BARD1: variants seen among roughly 807,000 people sequenced by gnomAD.
BARD1 encodes BRCA1-associated RING domain protein 1.
A neutral mutation model predicts 77.0 loss-of-function variants in BARD1; 73 were observed. The ratio of observed to expected loss-of-function variants is 0.95; its 90% CI spans 0.79 to 1.15. BARD1 has a LOEUF of 1.15. Among genes scored for constraint, BARD1 ranks in the 50% most tolerant of loss-of-function variants. BARD1 has a pLI of 0.00. For missense variants in BARD1, 993 were observed against 938.8 expected (o/e 1.06, Z -0.75); for synonymous variants, 384 against 338.0 (o/e 1.14, Z -1.49).
At chr2:214,762,761 C>T (rs1694019956) in intron 6 of BARD1, among the ~76,000 whole-genome samples, 1 of 152,160 alleles carries the variant, frequency 6.6e-6, no homozygotes, top group Non-Finnish European at 1.5e-5. Flanking sequence ...ATCGGTACTC[C>T]ACTAGAATCT....
intron 4 of BARD1, 86 bp downstream of exon 4, chr2:214,780,474 A>T (rs1394458047): frequency 8.8e-7 from 1 of 1,133,334 alleles, no homozygotes; most frequent in Non-Finnish European, 1.3e-6. Flanking sequence ...TATCCTAGTA[A>T]TCCTATGCCA....
At chr2:214,731,830 A>T (rs1005514377) in intron 9 of BARD1, among the ~76,000 whole-genome samples, 5 of 152,214 alleles carry the variant, frequency 3.3e-5, no homozygotes, top group Non-Finnish European at 7.3e-5. Flanking sequence ...GGAAAGTTGG[A>T]ACAATAACTC....
At chr2:214,748,273 A>T (rs1387219649) in intron 7 of BARD1, among the ~76,000 whole-genome samples, 1 of 152,118 alleles carries the variant, frequency 6.6e-6, no homozygotes, top group African/African-American at 2.4e-5. Context: ...ACAGCTGCCA[A>T]AGCCACATGT....
chr2:214,782,711 T>C (rs1695097507), intron 3 of BARD1, among the ~76,000 whole-genome samples: 1 of 152,076 alleles, frequency 6.6e-6, no homozygotes, highest in Non-Finnish European at 1.5e-5. Context: ...CAAGGAGAAG[T>C]TGATTTTTGA....
chr2:214,775,510 C>T (rs188959831), intron 4 of BARD1, among the ~76,000 whole-genome samples: 28 of 152,186 alleles, frequency 1.8e-4, no homozygotes, highest in African/African-American at 6.7e-4. Flanking sequence ...CACAAATCAC[C>T]GTAACAGATA....
intron 4 of BARD1, among the ~76,000 whole-genome samples, chr2:214,778,162 C>T (rs1694816192): frequency 6.6e-6 from 1 of 151,844 alleles, no homozygotes; most frequent in Admixed American, 6.6e-5. Context: ...TGCCACTGCA[C>T]TCCAGCCTGG....
chr2:214,763,843 A>G (rs1244914254), intron 6 of BARD1, among the ~76,000 whole-genome samples: 6 of 152,086 alleles, frequency 3.9e-5, no homozygotes, highest in African/African-American at 1.4e-4. Flanking sequence ...CATGCTCCAG[A>G]CCCCCTTCCC....
chr2:214,740,547 A>G (rs1692775669), intron 9 of BARD1, among the ~76,000 whole-genome samples: 2 of 152,036 alleles, frequency 1.3e-5, no homozygotes, highest in Admixed American at 1.3e-4. Context: ...ACATTTATAT[A>G]TTGTTGAAAG....
intron 9 of BARD1, among the ~76,000 whole-genome samples, chr2:214,734,527 T>C (rs1054648006): frequency 1.3e-5 from 2 of 152,148 alleles, no homozygotes; most frequent in Admixed American, 1.3e-4. Flanking sequence ...TTATAAAAAC[T>C]ATGAATGCTA....
chr2:214,763,303 G>A lies in BARD1; in HGVS notation c.1568+4179C>T, dbSNP rs115886273. Among the ~76,000 whole-genome samples, 1,357 of 152,182 alleles carry A rather than the reference G, an allele frequency of 8.9e-3. 8 individuals carry two copies. The highest frequency in any genetic ancestry group is 0.075 in the Middle Eastern group (22 of 294). ...AGACTTTCATACTACTGTGAGCACC[G>A]TGCTATGAAGGCATACCTCACACCA... On this transcript the variant is annotated intron_variant, in intron 6 of 10. Transcript: ENST00000260947.
At chr2:214,755,261 C>A (rs1693641981) in intron 6 of BARD1, among the ~76,000 whole-genome samples, 3 of 152,068 alleles carry the variant, frequency 2.0e-5, no homozygotes, top group Admixed American at 2.0e-4. Context: ...GAAGAAGACT[C>A]TTTTTTAGAT....
chr2:214,745,343 T>C (rs1693053465), intron 8 of BARD1, among the ~76,000 whole-genome samples, 184 bp from the exon 9 acceptor site: 1 of 152,202 alleles, frequency 6.6e-6, no homozygotes, highest in African/African-American at 2.4e-5. Flanking sequence ...GCCATCAATA[T>C]GAAAAATCAG....
In BARD1 at chr2:214,809,555, C is replaced by G. The variant is rs769204862; in HGVS notation, c.15G>C (p.Arg5=). MPDN[R]QPRNRQPRIR... is the part of the protein sequence containing the mutation. ...TCCTCGGCTGCCGGTTCCTCGGCTG[C>G]CGATTATCCGGCATCGTCCCGCCTT... Residue 5 remains arginine (R), a synonymous_variant, in exon 1 of 11, where the codon CGG becomes CGC. Coordinates refer to ENST00000260947, the MANE Select transcript of BARD1 (RefSeq NM_000465.4). 5.1e-6 allele frequency: 8 copies of G among 1,561,108 alleles called. No individual in the cohort carries two copies. Among genetic ancestry groups the G allele is most frequent in the Non-Finnish European group, 6.9e-6 (8 of 1,156,176 alleles).
In BARD1 at chr2:214,780,619, T is replaced by C. The variant is rs199834790; in HGVS notation, c.1255A>G (p.Asn419Asp). The change falls in exon 4 of 11, where the codon AAT becomes GAT. Residue 419 changes from asparagine (N) to aspartate (D), a missense_variant. By Grantham distance (23) the Asn-to-Asp change is conservative (BLOSUM62 1). Transcript: ENST00000260947. ...CTATGATTTCTTTTCACAGCCATATTGGGCAACAGCTTCATTGCTGAGGGA... is the reference window on the plus strand; with the variant it reads ...CTATGATTTCTTTTCACAGCCATATCGGGCAACAGCTTCATTGCTGAGGGA... ...SSPSAMKLLP[N>D]MAVKRNHRGE... 3 of 1,614,130 alleles carry C rather than the reference T, an allele frequency of 1.9e-6. No individual in the cohort carries two copies. Among genetic ancestry groups the C allele is most frequent in the East Asian group, 2.2e-5 (1 of 44,882 alleles).
chr2:214,782,519 G>T (rs1007947705), intron 3 of BARD1, among the ~76,000 whole-genome samples: 1 of 151,494 alleles, frequency 6.6e-6, no homozygotes, highest in African/African-American at 2.4e-5. Context: ...GAAAAATATA[G>T]ATTTATAATC....
At chr2:214,785,530 G>A (rs374967007) in intron 3 of BARD1, among the ~76,000 whole-genome samples, 5 of 151,926 alleles carry the variant, frequency 3.3e-5, no homozygotes, top group African/African-American at 7.3e-5. Flanking sequence ...AAATGTTTAC[G>A]TAAGAGATGT....
At chr2:214,801,859 G>GT (rs1491061422) in intron 1 of BARD1, among the ~76,000 whole-genome samples, 2 of 142,110 alleles carry the variant, frequency 1.4e-5, no homozygotes, top group Non-Finnish European at 3.1e-5. Flanking sequence ...CGGGGGGGGG[G>GT]GTTGTTTTTG....
intron 6 of BARD1, among the ~76,000 whole-genome samples, chr2:214,753,208 A>G (rs942984318): frequency 2.0e-5 from 3 of 152,182 alleles, no homozygotes; most frequent in African/African-American, 7.2e-5. Context: ...TAAGAAAAAA[A>G]AGAGAGAAGA....
chr2:214,774,343 C>T (rs77321203), intron 4 of BARD1, among the ~76,000 whole-genome samples: 1 of 152,154 alleles, frequency 6.6e-6, no homozygotes, highest in African/African-American at 2.4e-5. Context: ...TCTACAACAG[C>T]TATAGCCTTA....
Sources: gnomAD v4.1 joint callset for allele counts (sites outside exome capture counted in the v4.1 genomes callset) on GRCh38, gnomAD v4.1.1 for gene constraint, MANE v1.5 for transcripts, NCBI Gene and HGNC (gene_info 2026-07-23, HGNC 2026-07-21) for gene names.